The following BRDT variants were observed in gnomAD, a reference collection of about 807,000 sequenced individuals.
BRDT encodes bromodomain testis associated.
In BRDT, 77 loss-of-function variants were observed where a neutral mutation model predicts 113.9. That is an observed-to-expected ratio of 0.68 (90% CI 0.56 to 0.82). The LOEUF is 0.82. Among genes scored for constraint, BRDT ranks in the 40% least tolerant of loss-of-function variants. BRDT has a pLI of 0.00. For synonymous variants in BRDT, 358 were observed against 366.5 expected (o/e 0.98, Z 0.26); for missense variants, 1,027 against 1,105.4 (o/e 0.93, Z 1.01).
chr1:91,996,527 G>T (rs1314786291), intron 15 of BRDT, among the ~76,000 whole-genome samples: 1 of 152,170 alleles, frequency 6.6e-6, no homozygotes, highest in Non-Finnish European at 1.5e-5. Context: ...GATTACAGGC[G>T]TGAGCCACCA....
chr1:92,002,570 G>A (rs544576949), intron 16 of BRDT, among the ~76,000 whole-genome samples: 10 of 152,198 alleles, frequency 6.6e-5, no homozygotes, highest in African/African-American at 9.6e-5. Flanking sequence ...GTTTTGCCAC[G>A]TTGGCCAGGT....
chr1:91,986,672 G>GGGT (rs1685270868), intron 12 of BRDT, among the ~76,000 whole-genome samples: 1 of 152,012 alleles, frequency 6.6e-6, no homozygotes, highest in Non-Finnish European at 1.5e-5. Flanking sequence ...TCTTAGTTAT[G>GGGT]GGTGACATCA....
intron 18 of BRDT, among the ~76,000 whole-genome samples, chr1:92,006,554 C>A (rs998717355): frequency 6.6e-6 from 1 of 151,596 alleles, no homozygotes; most frequent in African/African-American, 2.4e-5. Context: ...GCAACCTCCA[C>A]CTCCTGGGTT....
intron 4 of BRDT, among the ~76,000 whole-genome samples, chr1:91,973,624 A>G (rs908297917): frequency 2.6e-5 from 4 of 152,262 alleles, no homozygotes; most frequent in Admixed American, 1.3e-4. Flanking sequence ...TCACACATTG[A>G]TTTTGTATCC....
At chr1:91,961,709 A>G (rs1682466204) in intron 1 of BRDT, among the ~76,000 whole-genome samples, 2 of 152,132 alleles carry the variant, frequency 1.3e-5, no homozygotes, top group South Asian at 4.1e-4. Context: ...TTCTCTCTTC[A>G]TTGAATTAAC....
intron 15 of BRDT, among the ~76,000 whole-genome samples, chr1:91,998,955 T>G (rs2101781409): frequency 6.6e-6 from 1 of 152,324 alleles, no homozygotes; most frequent in Non-Finnish European, 1.5e-5. Context: ...TTAGATACTT[T>G]GGACTTAATT....
At chr1:91,953,127 A>T (rs902497257) in intron 1 of BRDT, among the ~76,000 whole-genome samples, 5 of 138,178 alleles carry the variant, frequency 3.6e-5, no homozygotes, top group African/African-American at 1.4e-4. Context: ...ATTGTAAATC[A>T]TTTCTATGAA....
chr1:91,976,301 G>C lies in BRDT; in HGVS notation c.481G>C (p.Glu161Gln). The C allele has an allele frequency of 6.2e-7, 1 of 1,610,348 alleles. No individual in the cohort carries two copies. The highest frequency in any genetic ancestry group is 8.5e-7 in the Non-Finnish European group (1 of 1,178,838). ...QQNIAVSSAK[E>Q]KSSPSATEKV... Reference sequence around the variant, plus strand: ...GAATATAGCTGTTTCTTCTGCTAAAGAAAAATCATCACCCAGCGCAACAGA... The same window carrying C: ...GAATATAGCTGTTTCTTCTGCTAAACAAAAATCATCACCCAGCGCAACAGA... Residue 161 changes from glutamate (E) to glutamine (Q), a missense_variant, in exon 5 of 19, where the codon GAA becomes CAA. Coordinates refer to ENST00000399546, the MANE Select transcript of BRDT (RefSeq NM_207189.4).
At chr1:91,965,484 T>G (rs1408790455) in intron 3 of BRDT, among the ~76,000 whole-genome samples, 1 of 152,182 alleles carries the variant, frequency 6.6e-6, no homozygotes, top group Admixed American at 6.6e-5. Context: ...TTTCACAGTA[T>G]GGACCCCTGG....
At chr1:91,972,139 A>C (rs1162532813) in intron 4 of BRDT, among the ~76,000 whole-genome samples, 1 of 152,092 alleles carries the variant, frequency 6.6e-6, no homozygotes. Context: ...GCAAAATTTA[A>C]GTAGTGTTTT....
At chr1:91,965,601 G>T (rs1682976770) in intron 3 of BRDT, among the ~76,000 whole-genome samples, 1 of 152,154 alleles carries the variant, frequency 6.6e-6, no homozygotes, top group Admixed American at 6.6e-5. Context: ...TGTAATCCCA[G>T]CACTTTGGGA....
In BRDT at chr1:91,978,269, A is replaced by G. The variant is rs1684348305; in HGVS notation, c.1071A>G (p.Glu357=). Reference sequence around the variant, plus strand: ...ACAAGTACAATCCTCCAGATCACGAAGTTGTGACAATGGCAAGAATGCTTC... The same window carrying G: ...ACAAGTACAATCCTCCAGATCACGAGGTTGTGACAATGGCAAGAATGCTTC... ...NCYKYNPPDH[E]VVTMARMLQD... is the part of the protein sequence containing the mutation. The change falls in exon 7 of 19, where the codon GAA becomes GAG. Residue 357 remains glutamate, a synonymous_variant. Coordinates refer to ENST00000399546, the MANE Select transcript of BRDT (RefSeq NM_207189.4). 2.0e-5 allele frequency: 33 copies of G among 1,614,008 alleles called. No homozygotes were observed. Among genetic ancestry groups the G allele is most frequent in the Non-Finnish European group, 2.5e-5 (30 of 1,180,018 alleles).
chr1:91,969,996 T>A (rs1363729474), intron 4 of BRDT, among the ~76,000 whole-genome samples: 1 of 151,970 alleles, frequency 6.6e-6, no homozygotes, highest in Non-Finnish European at 1.5e-5. Flanking sequence ...GCCCAGCTAA[T>A]TTTTGTATTT....
At position 91,977,074 on chromosome 1, in the gene BRDT, C is replaced by G; in HGVS notation, c.650C>G (p.Thr217Arg). 1 of 1,609,928 alleles carries G rather than the reference C, an allele frequency of 6.2e-7. No homozygotes were observed. Among genetic ancestry groups the G allele is most frequent in the Non-Finnish European group, 8.5e-7 (1 of 1,178,336 alleles). Residue 217 changes from threonine (T) to arginine (R), a missense_variant, in exon 6 of 19, where the codon ACA becomes AGA. Coordinates refer to ENST00000399546, the MANE Select transcript of BRDT (RefSeq NM_207189.4). ...AAAGGTGTGAAGAGGAAAGCAGATA[C>G]AACAACTCCTGCAACTTCAGCAGTT... ...VTKGVKRKAD[T>R]TTPATSAVKA...
intron 12 of BRDT, among the ~76,000 whole-genome samples, chr1:91,990,777 G>A (rs918285222): frequency 2.0e-5 from 3 of 152,060 alleles, no homozygotes; most frequent in African/African-American, 7.2e-5. Context: ...GTAATAAAGG[G>A]ATTTTCTTGA....
At chr1:91,993,077 C>T (rs1336771095) in intron 14 of BRDT, among the ~76,000 whole-genome samples, 1 of 152,142 alleles carries the variant, frequency 6.6e-6, no homozygotes, top group Non-Finnish European at 1.5e-5. Context: ...TCCATAGGTT[C>T]ATGTATGAAT....
At chr1:91,986,093 A>T (rs1685213479) in intron 12 of BRDT, among the ~76,000 whole-genome samples, 1 of 152,378 alleles carries the variant, frequency 6.6e-6, no homozygotes, top group South Asian at 2.1e-4. Flanking sequence ...AAAATCTTTT[A>T]AAATGATTTT....
intron 6 of BRDT, among the ~76,000 whole-genome samples, chr1:91,977,928 T>A (rs1684312862): frequency 6.6e-6 from 1 of 152,118 alleles, no homozygotes; most frequent in South Asian, 2.1e-4. Context: ...TTGTTCCAGT[T>A]CTCTTTACAT....
In BRDT at chr1:91,977,393, G is replaced by A. The variant is rs766568595; in HGVS notation, c.969G>A (p.Lys323=). Residue 323 remains lysine, a splice_region_variant and synonymous_variant, in exon 6 of 19, where the codon AAG becomes AAA. Transcript: ENST00000399546. The part of the protein sequence containing the change: ...VKNPMDLGTI[K]EKMDNQEYKD... ...ATCCGATGGATCTTGGAACTATTAA[G>A]GTAAATGTTGCCTTAAAAGGAAGAA... 6.6e-7 allele frequency: 1 copy of A among 1,519,792 alleles called. No homozygotes were observed. The highest frequency in any genetic ancestry group is 1.3e-5 in the South Asian group (1 of 75,998). The allele number at this position is 1,519,792 out of a possible 1,614,324, so 94.1% of individuals were successfully genotyped here. A position where few individuals can be genotyped will look rare whatever the true frequency, so the allele number is the denominator to read the frequency against.
Sources: gnomAD v4.1 joint callset for allele counts (sites outside exome capture counted in the v4.1 genomes callset) on GRCh38, gnomAD v4.1.1 for gene constraint, MANE v1.5 for transcripts, NCBI Gene and HGNC (gene_info 2026-07-23, HGNC 2026-07-21) for gene names.